MMD2: variants seen among roughly 807,000 people sequenced by gnomAD.
MMD2 encodes the protein monocyte to macrophage differentiation associated 2.
A neutral mutation model predicts 33.5 loss-of-function variants in MMD2; 30 were observed. The observed-to-expected ratio is 0.90, with a 90% CI of 0.67 to 1.22. MMD2 has a LOEUF of 1.22. Among genes scored for constraint, MMD2 ranks in the 50% most tolerant of loss-of-function variants. MMD2 has a pLI of 0.00. For synonymous variants in MMD2, 129 were observed against 123.0 expected, an observed-to-expected ratio of 1.05 and a Z score of -0.32; for missense variants, 364 against 325.4, an observed-to-expected ratio of 1.12 and a Z score of -0.91.
chr7:4,938,400 G>C (rs73322945), intron 1 of MMD2, among the ~76,000 whole-genome samples: 1,557 of 152,190 alleles, frequency 0.01, 27 homozygotes, highest in African/African-American at 0.035. Context: ...TGAGGATGCT[G>C]TAGAATCCCG....
the MMD2 span, among the ~76,000 whole-genome samples, chr7:4,893,942 A>T: frequency 6.6e-6 from 1 of 152,278 alleles, no homozygotes; most frequent in Admixed American, 6.5e-5. Context: ...TGGTTTTGGT[A>T]GGTTTTGGTG....
At chr7:4,944,996 T>G (rs1440967569) in intron 1 of MMD2, among the ~76,000 whole-genome samples, 1 of 150,806 alleles carries the variant, frequency 6.6e-6, no homozygotes, top group East Asian at 2.0e-4. Flanking sequence ...CTCTTTCTTC[T>G]TTTTCTTCTT....
chr7:4,956,247 A>G (rs543084839), intron 1 of MMD2, among the ~76,000 whole-genome samples: 1 of 151,148 alleles, frequency 6.6e-6, no homozygotes, highest in Admixed American at 6.6e-5. Flanking sequence ...ACATAGTGAG[A>G]CCCCATCTTT....
the MMD2 span, among the ~76,000 whole-genome samples, chr7:4,899,396 T>C: frequency 5.9e-5 from 9 of 151,910 alleles, no homozygotes; most frequent in Non-Finnish European, 7.4e-5. Flanking sequence ...TATTTTTCTT[T>C]TTTTTTTTTT....
At chr7:4,919,579 A>C (rs1342871631) in intron 3 of MMD2, among the ~76,000 whole-genome samples, 1 of 151,832 alleles carries the variant, frequency 6.6e-6, no homozygotes, top group African/African-American at 2.4e-5. Flanking sequence ...AAAAACAAAC[A>C]AACAAACAAA....
chr7:4,930,708 C>T lies in MMD2; in HGVS notation c.48-5176G>A, dbSNP rs145829652. On this transcript the variant is annotated intron_variant, in intron 1 of 6. Coordinates refer to ENST00000401401, the MANE Select transcript of MMD2 (RefSeq NM_198403.4). The stretch of plus-strand genomic sequence containing the variant: ...AAATGAAGACAGAGACACACGGGGA[C>T]GACAGCCATGTGACGGTGGAGGCAG... Among the ~76,000 whole-genome samples the T allele has an allele frequency of 1.1e-3, 164 of 151,442 alleles. 1 individual carries two copies. Among genetic ancestry groups the T allele is most frequent in the African/African-American group, 3.8e-3 (158 of 41,236 alleles).
At chr7:4,922,390 C>A (rs539235031) in intron 2 of MMD2, among the ~76,000 whole-genome samples, 4 of 151,816 alleles carry the variant, frequency 2.6e-5, no homozygotes, top group African/African-American at 9.7e-5. Flanking sequence ...GTCAACAGGG[C>A]GAAACCCCAT....
chr7:4,912,485 C>T (rs1483972921), intron 4 of MMD2, among the ~76,000 whole-genome samples: 2 of 151,568 alleles, frequency 1.3e-5, no homozygotes, highest in South Asian at 2.1e-4. Flanking sequence ...TGGCGTGAAC[C>T]CGGGAGGCAG....
intron 6 of MMD2, 150 bp downstream of exon 6, chr7:4,909,730 TG>T: frequency 9.8e-7 from 1 of 1,019,392 alleles, no homozygotes; most frequent in Non-Finnish European, 1.5e-6. Flanking sequence ...CCACTGTACC[TG>T]GCCTACTGCC....
intron 1 of MMD2, among the ~76,000 whole-genome samples, chr7:4,934,301 G>C (rs1425171299): frequency 8.2e-6 from 1 of 121,328 alleles, no homozygotes; most frequent in East Asian, 1.9e-4. Flanking sequence ...ACAGGGTTTT[G>C]CCATGTTGCC....
chr7:4,938,244 C>T (rs1432898181), intron 1 of MMD2, among the ~76,000 whole-genome samples: 1 of 151,828 alleles, frequency 6.6e-6, no homozygotes, highest in African/African-American at 2.4e-5. Flanking sequence ...CTCCTGACCT[C>T]GTGATCCGCC....
At chr7:4,911,849 T>C (rs1487689969) in intron 4 of MMD2, among the ~76,000 whole-genome samples, 1 of 152,026 alleles carries the variant, frequency 6.6e-6, no homozygotes, top group Non-Finnish European at 1.5e-5. Flanking sequence ...GGTTTCTCCA[T>C]GTTGGCCAAG....
At chr7:4,926,326 C>G (rs1342789332) in intron 1 of MMD2, among the ~76,000 whole-genome samples, 1 of 151,718 alleles carries the variant, frequency 6.6e-6, no homozygotes. Flanking sequence ...GTCCCGAACT[C>G]CAAGCGATCC....
In MMD2 at chr7:4,907,306, A is replaced by C; in HGVS notation, c.*90T>G. ...TCAAGAACTCTACCCAATAAAGGGAAGACAGGCCTTGGCGCTGTGCTCTGG... is the reference window on the plus strand; with the variant it reads ...TCAAGAACTCTACCCAATAAAGGGACGACAGGCCTTGGCGCTGTGCTCTGG... On this transcript the variant is annotated 3_prime_UTR_variant, in exon 7 of 7. Transcript: ENST00000401401. 1 of 1,295,440 alleles carries C rather than the reference A, an allele frequency of 7.7e-7. No homozygotes were observed. The highest frequency in any genetic ancestry group is 1.3e-5 in the South Asian group (1 of 79,858). The allele number at this position is 1,295,440 out of a possible 1,614,324, so 80.2% of individuals were successfully genotyped here.
the MMD2 span, among the ~76,000 whole-genome samples, chr7:4,897,239 A>T: frequency 6.6e-6 from 1 of 151,540 alleles, no homozygotes; most frequent in African/African-American, 2.4e-5. Context: ...AAAAAAAAAA[A>T]AAAAAAAAAG....
At chr7:4,937,929 A>G (rs888685221) in intron 1 of MMD2, among the ~76,000 whole-genome samples, 1 of 149,468 alleles carries the variant, frequency 6.7e-6, no homozygotes, top group Non-Finnish European at 1.5e-5. Context: ...GATTACAGGC[A>G]TGAGCCACAT....
At chr7:4,947,860 G>A (rs1368041519) in intron 1 of MMD2, among the ~76,000 whole-genome samples, 1 of 148,224 alleles carries the variant, frequency 6.7e-6, no homozygotes, top group East Asian at 2.0e-4. Flanking sequence ...CTCCACACCT[G>A]GCTAATTTTT....
At chr7:4,926,121 G>A (rs544197724) in intron 1 of MMD2, among the ~76,000 whole-genome samples, 2 of 140,896 alleles carry the variant, frequency 1.4e-5, no homozygotes, top group Admixed American at 7.3e-5. Context: ...TTTCTTACAC[G>A]GGGTCTCACT....
At chr7:4,898,740 A>T in the MMD2 span, among the ~76,000 whole-genome samples, 1 of 152,182 alleles carries the variant, frequency 6.6e-6, no homozygotes. Context: ...CTCTATTAAA[A>T]ATACAAAAAT....
Sources: allele counts gnomAD v4.1 joint callset (sites outside exome capture counted in the v4.1 genomes callset), GRCh38; gene constraint gnomAD v4.1.1; transcripts MANE v1.5; gene names NCBI Gene and HGNC (gene_info 2026-07-23, HGNC 2026-07-21).